ITGA1: variants seen among roughly 807,000 people sequenced by gnomAD.
ITGA1 encodes the protein integrin alpha-1.
ITGA1 carries 85 observed loss-of-function variants against 145.9 expected under a neutral mutation model. That is an observed-to-expected ratio of 0.58 (90% CI 0.49 to 0.70). The LOEUF is 0.70. ITGA1 is among the 30% of genes least tolerant of loss of function. ITGA1 has a pLI of 0.00. For missense variants in ITGA1, 1,351 were observed against 1,418.7 expected, an observed-to-expected ratio of 0.95 and a Z score of 0.77; for synonymous variants, 520 against 495.3, an observed-to-expected ratio of 1.05 and a Z score of -0.66.
At chr5:52,788,441 T>A (rs1338552432) in intron 1 of ITGA1, 27 bp downstream of exon 1, 1 of 1,486,266 alleles carries the variant, frequency 6.7e-7, no homozygotes, top group Non-Finnish European at 8.9e-7. Flanking sequence ...TCTCTGAGCA[T>A]CTCCTGCTCG....
intron 14 of ITGA1, among the ~76,000 whole-genome samples, chr5:52,913,930 AG>A (rs1750604671): frequency 6.6e-6 from 1 of 152,206 alleles, no homozygotes; most frequent in African/African-American, 2.4e-5. Context: ...TTACTTAACA[AG>A]AGACAGGCAA....
chr5:52,854,383 C>T (rs1749475583), intron 2 of ITGA1, among the ~76,000 whole-genome samples: 1 of 152,150 alleles, frequency 6.6e-6, no homozygotes, highest in South Asian at 2.1e-4. Context: ...GCTTCTAACG[C>T]CTTTTGAAGT....
intron 8 of ITGA1, among the ~76,000 whole-genome samples, chr5:52,891,748 AT>A (rs1750154864): frequency 1.3e-5 from 2 of 151,790 alleles, no homozygotes; most frequent in South Asian, 2.1e-4. Flanking sequence ...TATGATACAC[AT>A]TTTTTCACAT....
At chr5:52,891,970 C>T (rs7731598) in intron 8 of ITGA1, among the ~76,000 whole-genome samples, 69,885 of 151,746 alleles carry the variant, frequency 0.46, 16,639 homozygotes, top group East Asian at 0.58. Flanking sequence ...GTACAAACCT[C>T]AACAAAGCTA....
At chr5:52,912,611 C>T (rs184110506) in intron 14 of ITGA1, among the ~76,000 whole-genome samples, 13 of 133,788 alleles carry the variant, frequency 9.7e-5, no homozygotes, top group Admixed American at 7.5e-5. Context: ...ATAGTGTATC[C>T]ACTATATATT....
At position 52,908,425 on chromosome 5, in the gene ITGA1, C is replaced by T. The variant is rs193217255; in HGVS notation, c.1456-473C>T. Among the ~76,000 whole-genome samples, 5 of 152,264 alleles carry T rather than the reference C, an allele frequency of 3.3e-5. No individual in the cohort carries two copies. In the East Asian group the frequency reaches 7.7e-4, roughly 23 times the overall value. ...CATAGCTGCTGGGATAAGGCTTAAC[C>T]ATTTCATTGAGAAGACAATCTTCCA... On this transcript the variant is annotated intron_variant, in intron 12 of 28. Coordinates refer to ENST00000282588, the MANE Select transcript of ITGA1 (RefSeq NM_181501.2).
In ITGA1 at chr5:52,925,558, G is replaced by T; in HGVS notation, c.2613+71G>T. On this transcript the variant is annotated intron_variant, in intron 19 of 28. Coordinates refer to ENST00000282588, the MANE Select transcript of ITGA1 (RefSeq NM_181501.2). ...CCTGGCCTACTTTTCATGCTACTGA[G>T]ATAATTGCTTTTATTAGATTGATTT... 2.7e-6 allele frequency: 3 copies of T among 1,127,606 alleles called. 1 individual carries two copies. The South Asian group carries it at 4.1e-5, about 15-fold the overall frequency. 69.9% of individuals were successfully genotyped at this position (1,127,606 alleles called of 1,614,324 possible).
At chr5:52,801,755 A>G in intron 1 of ITGA1, 1 of 1,614,172 alleles carries the variant, frequency 6.2e-7, no homozygotes, top group Non-Finnish European at 8.5e-7. Flanking sequence ...CAGCTCAGCC[A>G]GTTGACTGGG....
intron 1 of ITGA1, among the ~76,000 whole-genome samples, chr5:52,846,118 C>T (rs928250447): frequency 3.9e-5 from 6 of 152,026 alleles, no homozygotes; most frequent in African/African-American, 9.7e-5. Context: ...AGCACAATGG[C>T]GGCCGGGCGC....
At chr5:52,809,065 G>A (rs1748643458) in intron 1 of ITGA1, among the ~76,000 whole-genome samples, 1 of 152,160 alleles carries the variant, frequency 6.6e-6, no homozygotes, top group African/African-American at 2.4e-5. Flanking sequence ...GAGCAGCATT[G>A]CTGAGACTCA....
At chr5:52,941,112 G>C (rs1486608567) in intron 26 of ITGA1, among the ~76,000 whole-genome samples, 1 of 152,118 alleles carries the variant, frequency 6.6e-6, no homozygotes, top group Non-Finnish European at 1.5e-5. Flanking sequence ...ACATGATTTT[G>C]TTCTTTTTTA....
intron 1 of ITGA1, among the ~76,000 whole-genome samples, chr5:52,805,549 A>C (rs1345986446): frequency 6.6e-6 from 1 of 152,296 alleles, no homozygotes; most frequent in East Asian, 1.9e-4. Context: ...ATCCAAAGGT[A>C]AATCTCAGAT....
intron 24 of ITGA1, among the ~76,000 whole-genome samples, chr5:52,938,996 A>G (rs1751012992): frequency 6.6e-6 from 1 of 151,796 alleles, no homozygotes; most frequent in Non-Finnish European, 1.5e-5. Flanking sequence ...TCCTCCTCCC[A>G]TGTCCAAATG....
In ITGA1 at chr5:52,932,098, T is replaced by A. The variant is rs1246168421; in HGVS notation, c.2823T>A (p.Ser941=). 1 of 1,610,978 alleles carries A rather than the reference T, an allele frequency of 6.2e-7. No individual in the cohort carries two copies. Among genetic ancestry groups the A allele is most frequent in the Admixed American group, 1.7e-5 (1 of 59,916 alleles). Residue 941 remains serine (S), a synonymous_variant, in exon 22 of 29, where the codon TCT becomes TCA. Coordinates refer to ENST00000282588, the MANE Select transcript of ITGA1 (RefSeq NM_181501.2). ...ETLSDNVVNI[S]IPVKYEVGLQ... Reference sequence around the variant, plus strand: ...TTTCTGATAATGTAGTAAACATTTCTATCCCGGTAAAATATGAAGTTGGAC... The same window carrying A: ...TTTCTGATAATGTAGTAAACATTTCAATCCCGGTAAAATATGAAGTTGGAC...
intron 1 of ITGA1, among the ~76,000 whole-genome samples, chr5:52,822,772 A>G (rs1748900381): frequency 6.6e-6 from 1 of 152,236 alleles, no homozygotes; most frequent in African/African-American, 2.4e-5. Context: ...CACATAATGA[A>G]GATGGTTCAT....
intron 4 of ITGA1, 59 bp from the exon 5 acceptor site, chr5:52,864,912 A>G (rs550685887): frequency 2.6e-6 from 4 of 1,551,622 alleles, no homozygotes; most frequent in Non-Finnish European, 3.5e-6. Flanking sequence ...AAGTCTTTGT[A>G]AGATCTGTTA....
chr5:52,809,947 T>A (rs558652448), intron 1 of ITGA1, among the ~76,000 whole-genome samples: 1 of 152,260 alleles, frequency 6.6e-6, no homozygotes, highest in South Asian at 2.1e-4. Context: ...CCTACCCTCA[T>A]AAGAAAATGA....
At chr5:52,946,049 C>T (rs545920472) in intron 27 of ITGA1, among the ~76,000 whole-genome samples, 39 of 152,092 alleles carry the variant, frequency 2.6e-4, no homozygotes, top group Middle Eastern at 6.8e-3. Flanking sequence ...TTTTATTTTC[C>T]CTAAATATTA....
At chr5:52,903,399 A>G (rs755972587) in intron 11 of ITGA1, 82 of 152,186 alleles carry the variant, frequency 5.4e-4, no homozygotes, top group Non-Finnish European at 1.1e-3. Context: ...TTAGTAATAC[A>G]AACATGTAAC....
Sources: allele counts gnomAD v4.1 joint callset (sites outside exome capture counted in the v4.1 genomes callset), GRCh38; gene constraint gnomAD v4.1.1; transcripts MANE v1.5; gene names NCBI Gene and HGNC (gene_info 2026-07-23, HGNC 2026-07-21).